Variants in SRPK2 observed in about 807,000 individuals in gnomAD.
SRPK2 encodes SFRS protein kinase 2.
In SRPK2, 21 loss-of-function variants were observed where a neutral mutation model predicts 90.8. That is an observed-to-expected ratio of 0.23 (90% CI 0.16 to 0.33). SRPK2 has a LOEUF of 0.33. Among genes scored for constraint, SRPK2 ranks in the 10% least tolerant of loss-of-function variants. SRPK2 has a pLI of 1.00. For synonymous variants in SRPK2, 288 were observed against 311.1 expected (o/e 0.93, Z 0.78); for missense variants, 620 against 869.0 (o/e 0.71, Z 3.60).
intron 2 of SRPK2, among the ~76,000 whole-genome samples, chr7:105,234,631 A>T (rs1050581115): frequency 2.6e-5 from 4 of 152,188 alleles, no homozygotes; most frequent in Non-Finnish European, 5.9e-5. Flanking sequence ...TTCAAAACAA[A>T]GACTGTCTAC....
intron 2 of SRPK2, among the ~76,000 whole-genome samples, chr7:105,291,930 A>C (rs1450102304): frequency 1.3e-5 from 2 of 152,210 alleles, no homozygotes; most frequent in Non-Finnish European, 2.9e-5. Context: ...TACATTTAAA[A>C]ATTCACAATT....
At chr7:105,387,626 G>C (rs1033889262) in intron 2 of SRPK2, among the ~76,000 whole-genome samples, 2 of 151,468 alleles carry the variant, frequency 1.3e-5, no homozygotes, top group African/African-American at 4.9e-5. Context: ...CCCCTCAAAG[G>C]AAACAACCAA....
intron 3 of SRPK2, among the ~76,000 whole-genome samples, chr7:105,191,682 G>A (rs1794297811): frequency 6.6e-6 from 1 of 152,074 alleles, no homozygotes; most frequent in Admixed American, 6.5e-5. Context: ...TCTGGTCACT[G>A]CCCTCCATAC....
intron 2 of SRPK2, among the ~76,000 whole-genome samples, chr7:105,351,061 G>A (rs1192103633): frequency 6.6e-6 from 1 of 152,166 alleles, no homozygotes; most frequent in East Asian, 1.9e-4. Flanking sequence ...AGGTCTTTAA[G>A]AGGTGACTGT....
chr7:105,160,310 A>C (rs908704609), intron 7 of SRPK2, 197 bp downstream of exon 7: 1 of 383,276 alleles, frequency 2.6e-6, no homozygotes, highest in African/African-American at 2.1e-5. Flanking sequence ...TGTTCCCTTC[A>C]CAACACAAAA....
chr7:105,207,437 T>TA lies in SRPK2; in HGVS notation c.72-3653dup, dbSNP rs779819861. On this transcript the variant is annotated intron_variant, in intron 2 of 15. Coordinates refer to ENST00000393651, the MANE Select transcript of SRPK2 (RefSeq NM_182692.3). ...ATACTCATTAAGTCTATCAACAGAT[T>TA]AAAAAAAACAACTTTCATCAATCCT... Among the ~76,000 whole-genome samples, 6 of 151,986 alleles carry TA rather than the reference T, an allele frequency of 3.9e-5. No homozygotes were observed. In the East Asian group the frequency reaches 5.8e-4, roughly 15 times the overall value.
intron 2 of SRPK2, among the ~76,000 whole-genome samples, chr7:105,357,363 C>A (rs1171861333): frequency 6.6e-6 from 1 of 152,186 alleles, no homozygotes; most frequent in Non-Finnish European, 1.5e-5. Flanking sequence ...TTTTAAAAAA[C>A]TGCTGGAGTC....
Position 105,266,193 on chromosome 7 carries a change from C to T in SRPK2, c.72-62408G>A, listed in dbSNP as rs117869020. Among the ~76,000 whole-genome samples, 329 of 152,110 alleles carry T rather than the reference C, an allele frequency of 2.2e-3. 1 individual carries two copies. Among genetic ancestry groups the T allele is most frequent in the South Asian group, 6.9e-3 (33 of 4,814 alleles). ...ATTCCATTATAATTTTACTTCAAATCGTATGTATATTTTTCAGTGAAGGAC... is the reference window on the plus strand; with the variant it reads ...ATTCCATTATAATTTTACTTCAAATTGTATGTATATTTTTCAGTGAAGGAC... On this transcript the variant is annotated intron_variant, in intron 2 of 15. Transcript: ENST00000393651.
rs1348743214 is a variant in SRPK2 at position 105,335,783 on chromosome 7, G to A, written c.71+52865C>T. On this transcript the variant is annotated intron_variant, in intron 2 of 15. Coordinates refer to ENST00000393651, the MANE Select transcript of SRPK2 (RefSeq NM_182692.3). ...AGGCTGACCAACATGGAGAAACCCC[G>A]ACTCTACTAAAAAAAACAAAAAATT... is the stretch of plus-strand genomic sequence containing the variant. Among the ~76,000 whole-genome samples the A allele has an allele frequency of 5.3e-5, 8 of 151,282 alleles. No individual in the cohort carries two copies. The South Asian group carries it at 8.4e-4, about 16-fold the overall frequency.
chr7:105,381,395 C>T (rs1220148703), intron 2 of SRPK2, among the ~76,000 whole-genome samples: 6 of 151,962 alleles, frequency 3.9e-5, no homozygotes, highest in African/African-American at 4.8e-5. Context: ...GCCAATATGG[C>T]GAAACCCTGT....
intron 7 of SRPK2, among the ~76,000 whole-genome samples, chr7:105,157,887 G>A (rs1380044168): frequency 3.9e-5 from 6 of 152,120 alleles, no homozygotes; most frequent in Non-Finnish European, 8.8e-5. Context: ...GAGCAACACA[G>A]TGAGACCCCG....
intron 4 of SRPK2, among the ~76,000 whole-genome samples, chr7:105,168,437 C>T (rs1398581884): frequency 6.6e-6 from 1 of 152,042 alleles, no homozygotes; most frequent in Non-Finnish European, 1.5e-5. Context: ...CACAAATATT[C>T]CAAAATCCAA....
At position 105,125,781 on chromosome 7, in the gene SRPK2, C is replaced by T. The variant is rs1018199204; in HGVS notation, c.1915+467G>A. ...AATTAGTGTTGCATAAATACCGTTACCTTTTCTGGTGAAAAACTCCTTGGA... is the reference window on the plus strand; with the variant it reads ...AATTAGTGTTGCATAAATACCGTTATCTTTTCTGGTGAAAAACTCCTTGGA... On this transcript the variant is annotated intron_variant, in intron 15 of 15. Coordinates refer to ENST00000393651, the MANE Select transcript of SRPK2 (RefSeq NM_182692.3). 6 of 1,261,010 alleles carry T rather than the reference C, an allele frequency of 4.8e-6. No homozygotes were observed. The African/African-American group carries it at 7.7e-5, about 16-fold the overall frequency. 78.1% of individuals were successfully genotyped at this position (1,261,010 alleles called of 1,614,324 possible).
intron 2 of SRPK2, chr7:105,244,509 G>A: frequency 2.2e-6 from 1 of 464,508 alleles, no homozygotes; most frequent in South Asian, 2.4e-5. Context: ...GGGAGGCGGA[G>A]CTTGCAGTGA....
intron 2 of SRPK2, among the ~76,000 whole-genome samples, chr7:105,214,370 AAC>A (rs573608555): frequency 1.3e-5 from 2 of 152,328 alleles, no homozygotes; most frequent in Admixed American, 6.5e-5. Flanking sequence ...TAAAATGATA[AAC>A]AGTCAGTATA....
chr7:105,170,785 G>GGAAGGAAGGAAGGAAGGA (rs1563024392), intron 3 of SRPK2, among the ~76,000 whole-genome samples: 2 of 49,058 alleles, frequency 4.1e-5, no homozygotes, highest in Non-Finnish European at 8.0e-5. Context: ...GGAAGGACGG[G>GGAAGGAAGGAAGGAAGGA]AGGGAGGGAG....
At chr7:105,296,367 G>A (rs1307832126) in intron 2 of SRPK2, among the ~76,000 whole-genome samples, 1 of 152,018 alleles carries the variant, frequency 6.6e-6, no homozygotes. Flanking sequence ...TCCTAACTTA[G>A]GAGATAAATA....
At chr7:105,371,867 G>A (rs116587110) in intron 2 of SRPK2, among the ~76,000 whole-genome samples, 4,547 of 152,130 alleles carry the variant, frequency 0.03, 246 homozygotes, top group African/African-American at 0.1. Flanking sequence ...GGGCACAGTG[G>A]CTCACACTTA....
chr7:105,242,507 T>C (rs1800949935), intron 2 of SRPK2, among the ~76,000 whole-genome samples: 1 of 151,760 alleles, frequency 6.6e-6, no homozygotes, highest in African/African-American at 2.4e-5. Flanking sequence ...CGAGGTTCCA[T>C]CTCAATAAAT....
Sources: gnomAD v4.1 joint callset for allele counts (sites outside exome capture counted in the v4.1 genomes callset) on GRCh38, gnomAD v4.1.1 for gene constraint, MANE v1.5 for transcripts, NCBI Gene and HGNC (gene_info 2026-07-23, HGNC 2026-07-21) for gene names.